The following WDPCP variants were observed in gnomAD, a reference collection of about 807,000 sequenced individuals.
WDPCP encodes the protein WD repeat containing planar cell polarity effector.
WDPCP carries 71 observed loss-of-function variants against 93.1 expected under a neutral mutation model. That is an observed-to-expected ratio of 0.76 (90% confidence interval 0.63 to 0.93). The LOEUF is 0.93. WDPCP is among the 40% of genes least tolerant of loss of function. The probability of loss-of-function intolerance (pLI) is 0.00; values close to 1 mark genes in which losing one functional copy is unlikely to be tolerated. For missense variants in WDPCP, 844 were observed against 887.4 expected, an observed-to-expected ratio of 0.95 and a Z score of 0.62; for synonymous variants, 315 against 315.0, an observed-to-expected ratio of 1.00 and a Z score of 0.00.
At chr2:63,392,940 G>A (rs1474899551) in intron 10 of WDPCP, among the ~76,000 whole-genome samples, 1 of 152,182 alleles carries the variant, frequency 6.6e-6, no homozygotes, top group Non-Finnish European at 1.5e-5. Flanking sequence ...ACTGTTGGTG[G>A]GACTGTAAAC....
chr2:63,315,263 G>A lies in WDPCP; in HGVS notation c.1749-1952C>T, dbSNP rs367775808. 2.0e-4 allele frequency among the ~76,000 whole-genome samples: 30 copies of A among 152,260 alleles called. No homozygotes were observed. The East Asian group carries it at 4.4e-3, about 23-fold the overall frequency. On this transcript the variant is annotated intron_variant, in intron 12 of 17. Transcript: ENST00000272321. ...CAGGGCCATCACCCTTAGGAGATAA[G>A]CCTGAACAAAACTCAAGTTAAAGGT...
chr2:63,155,370 T>C (rs977145519), intron 15 of WDPCP, among the ~76,000 whole-genome samples: 2 of 152,208 alleles, frequency 1.3e-5, no homozygotes, highest in African/African-American at 2.4e-5. Flanking sequence ...ATTGTGCCAA[T>C]ACCATTTGTT....
chr2:63,409,097 T>C (rs903578340), intron 9 of WDPCP, among the ~76,000 whole-genome samples: 3 of 152,102 alleles, frequency 2.0e-5, no homozygotes, highest in African/African-American at 7.2e-5. Context: ...CAACGACCAC[T>C]AAAATAAAGC....
At chr2:63,306,275 G>A (rs192498073) in intron 13 of WDPCP, among the ~76,000 whole-genome samples, 165 of 152,252 alleles carry the variant, frequency 1.1e-3, no homozygotes, top group African/African-American at 3.8e-3. Context: ...AAAAGCCCAG[G>A]ACCAGACAGA....
At chr2:63,222,119 G>A (rs1328857449) in intron 14 of WDPCP, among the ~76,000 whole-genome samples, 3 of 152,142 alleles carry the variant, frequency 2.0e-5, no homozygotes, top group Non-Finnish European at 2.9e-5. Context: ...CTCATATGCA[G>A]TTGAGGCTAA....
At chr2:63,333,988 G>A (rs1335620814) in intron 12 of WDPCP, among the ~76,000 whole-genome samples, 3 of 152,154 alleles carry the variant, frequency 2.0e-5, no homozygotes, top group African/African-American at 7.2e-5. Flanking sequence ...CAAGATTGTT[G>A]GGGGCACTTT....
At chr2:63,361,619 T>C (rs1433651113) in intron 12 of WDPCP, among the ~76,000 whole-genome samples, 4 of 152,198 alleles carry the variant, frequency 2.6e-5, no homozygotes, top group Admixed American at 2.6e-4. Context: ...TGTGTCACCA[T>C]TTAGGGTAGA....
chr2:63,644,022 G>T (rs916973758), intron 3 of WDPCP: 1 of 446,156 alleles, frequency 2.2e-6, no homozygotes, highest in Admixed American at 2.3e-5. Flanking sequence ...ACTCACTTCA[G>T]ATGCTTCTTA....
chr2:63,168,034 C>T (rs1199200428), intron 15 of WDPCP, among the ~76,000 whole-genome samples: 1 of 150,528 alleles, frequency 6.6e-6, no homozygotes, highest in Non-Finnish European at 1.5e-5. Flanking sequence ...ATCACCTGAG[C>T]CCAGGAGGTC....
intron 12 of WDPCP, among the ~76,000 whole-genome samples, chr2:63,349,433 G>T (rs191971053): frequency 1.3e-5 from 2 of 152,066 alleles, no homozygotes; most frequent in East Asian, 3.9e-4. Context: ...ATTCTAAGCT[G>T]TATCAAATTA....
intron 1 of WDPCP, among the ~76,000 whole-genome samples, chr2:63,520,719 C>T (rs1303891340): frequency 6.6e-6 from 1 of 151,796 alleles, no homozygotes; most frequent in Non-Finnish European, 1.5e-5. Context: ...TGGCAAAATC[C>T]CATCTCTACA....
chr2:63,682,611 T>C (rs1365901879), intron 2 of WDPCP, among the ~76,000 whole-genome samples: 1 of 152,050 alleles, frequency 6.6e-6, no homozygotes, highest in Non-Finnish European at 1.5e-5. Context: ...GAGATACAGA[T>C]AGAAAGTTTA....
At chr2:63,653,949 G>A (rs1710137506) in intron 2 of WDPCP, among the ~76,000 whole-genome samples, 1 of 148,084 alleles carries the variant, frequency 6.8e-6, no homozygotes, top group Non-Finnish European at 1.5e-5. Context: ...AAAGACACAA[G>A]AAAGTGTGGC....
At chr2:63,684,757 G>T in intron 2 of WDPCP, 1 of 571,818 alleles carries the variant, frequency 1.7e-6, no homozygotes, top group Non-Finnish European at 3.4e-6. Flanking sequence ...ATAAGAAAAA[G>T]AAATAGTAAC....
chr2:63,349,386 TTTTAG>T (rs1219921498), intron 12 of WDPCP, among the ~76,000 whole-genome samples: 8 of 152,274 alleles, frequency 5.3e-5, no homozygotes, highest in South Asian at 2.1e-4. Flanking sequence ...TTTAATTTTA[TTTTAG>T]TTAATTTAAA....
intron 6 of WDPCP, among the ~76,000 whole-genome samples, chr2:63,468,305 C>T (rs898790849): frequency 2.0e-5 from 3 of 152,148 alleles, no homozygotes; most frequent in African/African-American, 7.2e-5. Context: ...ACTATCTTGC[C>T]ATCTGCTTCT....
chr2:63,184,214 C>G (rs1553551671), intron 14 of WDPCP, among the ~76,000 whole-genome samples: 1 of 151,508 alleles, frequency 6.6e-6, no homozygotes, highest in South Asian at 2.1e-4. Flanking sequence ...CTTTTTTTCC[C>G]TCTTTCTGTT....
intron 1 of WDPCP, among the ~76,000 whole-genome samples, chr2:63,523,162 T>C (rs1478376564): frequency 6.6e-6 from 1 of 152,098 alleles, no homozygotes; most frequent in Non-Finnish European, 1.5e-5. Context: ...CATATGTAAA[T>C]TTACTAAATG....
intron 2 of WDPCP, among the ~76,000 whole-genome samples, chr2:63,755,115 C>A (rs1276175598): frequency 6.6e-6 from 1 of 152,182 alleles, no homozygotes; most frequent in Non-Finnish European, 1.5e-5. Context: ...GGAAAGTAAT[C>A]TAAGAGAACA....
Sources: gnomAD v4.1 joint callset for allele counts (sites outside exome capture counted in the v4.1 genomes callset) on GRCh38, gnomAD v4.1.1 for gene constraint, MANE v1.5 for transcripts, NCBI Gene and HGNC (gene_info 2026-07-23, HGNC 2026-07-21) for gene names.